LGI1: variants seen among roughly 807,000 people sequenced by gnomAD.
LGI1 encodes leucine rich glioma inactivated 1.
LGI1 carries 11 observed loss-of-function variants against 57.7 expected under a neutral mutation model. The ratio of observed to expected loss-of-function variants is 0.19; its 90% confidence interval spans 0.12 to 0.32. LGI1 has a LOEUF of 0.32. LGI1 is among the 10% of genes least tolerant of loss of function. LGI1 has a pLI of 1.00. For synonymous variants in LGI1, 222 were observed against 241.9 expected (o/e 0.92, Z 0.76); for missense variants, 422 against 661.9 (o/e 0.64, Z 3.98).
In LGI1 at chr10:93,758,813, C is replaced by T. The variant is rs796052692; in HGVS notation, c.269C>T (p.Thr90Met). ...TEISEGSFLF[T>M]PSLQLLLFTS... ...ATCTCAGAAGGGAGTTTTTTATTCACGCCATCGCTGCAGCTCTTGTGAGAA... is the reference window on the plus strand; with the variant it reads ...ATCTCAGAAGGGAGTTTTTTATTCATGCCATCGCTGCAGCTCTTGTGAGAA... The change falls in exon 2 of 8, where the codon ACG becomes ATG. Residue 90 changes from threonine (T) to methionine (M), a missense_variant. Transcript: ENST00000371418. This position sits in a 1 kb window ranked among gnomAD's most constrained non-coding sequence, Gnocchi z 4.7. 9 of 1,611,654 alleles carry T rather than the reference C, an allele frequency of 5.6e-6. No individual in the cohort carries two copies. Among genetic ancestry groups the T allele is most frequent in the Middle Eastern group, 1.7e-4 (1 of 6,026 alleles).
At position 93,793,337 on chromosome 10, in the gene LGI1, T is replaced by C. The variant is rs377206644; in HGVS notation, c.825T>C (p.Tyr275=). ...ATGTGGAAAAGACCTTCCGGAATTATGACAACATTACAGGTATGAAAAGCC... is the reference window on the plus strand; with the variant it reads ...ATGTGGAAAAGACCTTCCGGAATTACGACAACATTACAGGTATGAAAAGCC... ...WDHVEKTFRN[Y]DNITGTSTVV... The change falls in exon 7 of 8, where the codon TAT becomes TAC. Residue 275 remains tyrosine (Y), a synonymous_variant. Coordinates refer to ENST00000371418, the MANE Select transcript of LGI1 (RefSeq NM_005097.4). 1.2e-6 allele frequency: 2 copies of C among 1,613,736 alleles called. No homozygotes were observed. Among genetic ancestry groups the C allele is most frequent in the African/African-American group, 2.7e-5 (2 of 74,934 alleles).
intron 2 of LGI1, chr10:93,768,428 A>G (rs9420630): frequency 0.86 from 130,286 of 152,242 alleles, 55,916 homozygotes; most frequent in East Asian, 0.99. Context: ...ACATCTTAGT[A>G]TTCATTTGAG....
intron 4 of LGI1, 126 bp from the exon 5 acceptor site, chr10:93,789,973 A>C: frequency 2.1e-6 from 2 of 940,690 alleles, no homozygotes; most frequent in Non-Finnish European, 3.2e-6. Context: ...AGAAGAAAAA[A>C]AAAGGACCAC....
intron 2 of LGI1, chr10:93,768,189 T>C (rs2059698839): frequency 6.6e-6 from 1 of 152,154 alleles, no homozygotes. Flanking sequence ...GAATACACTC[T>C]GGGAAATTCT....
chr10:93,792,337 G>A, intron 5 of LGI1: 1 of 187,650 alleles, frequency 5.3e-6, no homozygotes, highest in South Asian at 1.2e-4. Context: ...TATTGATGAT[G>A]TGTCAAAATG....
intron 6 of LGI1, 86 bp downstream of exon 6, chr10:93,792,998 A>G (rs1168424201): frequency 2.8e-6 from 4 of 1,415,408 alleles, no homozygotes; most frequent in Admixed American, 1.8e-5. Flanking sequence ...TATTTTTTAT[A>G]TCTTAAAAAC....
At chr10:93,781,323 C>T (rs948486530) in intron 4 of LGI1, among the ~76,000 whole-genome samples, 1 of 152,026 alleles carries the variant, frequency 6.6e-6, no homozygotes, top group Admixed American at 6.5e-5. Context: ...CACGCCATTG[C>T]ACTCCAGCCT....
intron 2 of LGI1, among the ~76,000 whole-genome samples, chr10:93,773,065 G>A (rs2059755819): frequency 6.6e-6 from 1 of 151,084 alleles, no homozygotes; most frequent in Non-Finnish European, 1.5e-5. Context: ...GTGTGACAGA[G>A]CGAGACTTTG....
chr10:93,783,782 C>T (rs1360916301), intron 4 of LGI1, among the ~76,000 whole-genome samples: 10 of 152,110 alleles, frequency 6.6e-5, no homozygotes, highest in African/African-American at 1.9e-4. Context: ...GAGGCCAAGG[C>T]GGGCGGATCA....
chr10:93,766,628 C>T (rs1299744241), intron 2 of LGI1, among the ~76,000 whole-genome samples: 1 of 150,680 alleles, frequency 6.6e-6, no homozygotes, highest in Non-Finnish European at 1.5e-5. Context: ...CCTCAGCCTC[C>T]CGAGTAGCTG....
intron 2 of LGI1, chr10:93,764,218 GC>G (rs2059651061): frequency 6.6e-6 from 1 of 152,076 alleles, no homozygotes; most frequent in African/African-American, 2.4e-5. Context: ...ATTATACTTT[GC>G]CTGTATTTGA....
At chr10:93,765,840 G>C (rs561263234) in intron 2 of LGI1, among the ~76,000 whole-genome samples, 5 of 151,994 alleles carry the variant, frequency 3.3e-5, no homozygotes, top group African/African-American at 7.2e-5. Context: ...CGTGGTGGCG[G>C]GCGCCTGTAG....
At chr10:93,775,190 A>T (rs1436638540) in intron 2 of LGI1, among the ~76,000 whole-genome samples, 4 of 152,204 alleles carry the variant, frequency 2.6e-5, no homozygotes, top group Non-Finnish European at 5.9e-5. Flanking sequence ...GAAACTCAAT[A>T]TTATCATTAC....
chr10:93,796,647 T>C (rs1193796528), intron 7 of LGI1, among the ~76,000 whole-genome samples: 1 of 152,260 alleles, frequency 6.6e-6, no homozygotes, highest in Non-Finnish European at 1.5e-5. Flanking sequence ...AACTCATTTG[T>C]GTCAGGGAAA....
intron 2 of LGI1, among the ~76,000 whole-genome samples, chr10:93,775,483 C>A (rs10882332): frequency 0.074 from 11,244 of 152,192 alleles, 971 homozygotes; most frequent in East Asian, 0.46. Flanking sequence ...CAAATAAGGG[C>A]AAATTCCTGC....
intron 6 of LGI1, 27 bp downstream of exon 6, chr10:93,792,939 C>T: frequency 6.2e-7 from 1 of 1,605,020 alleles, no homozygotes. Context: ...CATTCCACCT[C>T]AAAAAATTAA....
At chr10:93,775,295 T>C (rs1404467087) in intron 2 of LGI1, among the ~76,000 whole-genome samples, 1 of 152,196 alleles carries the variant, frequency 6.6e-6, no homozygotes, top group African/African-American at 2.4e-5. Flanking sequence ...GTTTTTGTAC[T>C]TTATATAAGT....
intron 4 of LGI1, among the ~76,000 whole-genome samples, chr10:93,787,456 A>T (rs1375984467): frequency 6.6e-6 from 1 of 152,136 alleles, no homozygotes; most frequent in Non-Finnish European, 1.5e-5. Context: ...CCATCTTGTC[A>T]TGCAAAAATA....
intron 4 of LGI1, 69 bp from the exon 5 acceptor site, chr10:93,790,030 C>T: frequency 7.0e-7 from 1 of 1,438,226 alleles, no homozygotes; most frequent in Non-Finnish European, 9.5e-7. Context: ...CATCACTAAG[C>T]TTTATCATTA....
Sources: allele counts gnomAD v4.1 joint callset (sites outside exome capture counted in the v4.1 genomes callset), GRCh38; gene constraint gnomAD v4.1.1; non-coding constraint Gnocchi (gnomAD v3.1); transcripts MANE v1.5; gene names NCBI Gene and HGNC (gene_info 2026-07-23, HGNC 2026-07-21).